The following DOK7 variants were observed in gnomAD, a reference collection of about 807,000 sequenced individuals.
DOK7 encodes docking protein 7.
In DOK7, 32 loss-of-function variants were observed where a neutral mutation model predicts 30.7. The observed-to-expected ratio is 1.04, with a 90% CI of 0.79 to 1.40. The LOEUF is 1.40. Ranked by LOEUF, DOK7 falls within the 40% of genes most tolerant of loss-of-function variation. The pLI is 0.00. For missense variants in DOK7, 1,007 were observed against 699.2 expected, an observed-to-expected ratio of 1.44 and a Z score of -4.97; for synonymous variants, 447 against 324.1, an observed-to-expected ratio of 1.38 and a Z score of -4.07.
Position 3,463,548 on chromosome 4 carries a change from G to T in DOK7, c.97G>T (p.Ala33Ser), listed in dbSNP as rs1425852835. Residue 33 changes from alanine to serine, a missense_variant, in exon 2 of 7, where the codon GCA (alanine) becomes TCA (serine). Coordinates refer to ENST00000340083, the MANE Select transcript of DOK7 (RefSeq NM_173660.5). ...WLVLRKPSPV[A>S]DCLLMLVYKD... ...GGTGCTGCGGAAGCCGTCGCCCGTG[G>T]CAGGTGAGCGGGGCGGGCGGGGGAC... 1.9e-5 allele frequency: 28 copies of T among 1,513,268 alleles called. No homozygotes were observed. The Admixed American group carries it at 5.3e-4, about 29-fold the overall frequency. 93.7% of individuals were successfully genotyped at this position (1,513,268 alleles called of 1,614,324 possible). A position where few individuals can be genotyped will look rare whatever the true frequency, so the allele number is the denominator to read the frequency against.
intron 4 of DOK7, 120 bp downstream of exon 4, chr4:3,476,662 C>T (rs2109344312): frequency 6.8e-6 from 9 of 1,318,794 alleles, no homozygotes; most frequent in Middle Eastern, 2.3e-4. Flanking sequence ...TTCCAGAATG[C>T]GCCGGCAGGT....
chr4:3,477,704 C>T (rs559154744), intron 4 of DOK7, among the ~76,000 whole-genome samples: 65 of 152,256 alleles, frequency 4.3e-4, no homozygotes, highest in East Asian at 1.4e-3. Flanking sequence ...AGAGCTGGCC[C>T]GGAGTCTCGG....
intron 2 of DOK7, among the ~76,000 whole-genome samples, chr4:3,471,057 G>A (rs1301671858): frequency 6.6e-6 from 1 of 152,252 alleles, no homozygotes; most frequent in African/African-American, 2.4e-5. Context: ...GAAGGTGGTG[G>A]ATGGTTGGCC....
At chr4:3,498,084 A>T (rs1729010364), downstream of DOK7, among the ~76,000 whole-genome samples, 2 of 152,068 alleles carry the variant, frequency 1.3e-5, no homozygotes, top group African/African-American at 4.8e-5. Flanking sequence ...TGGGACAGAG[A>T]TGAGCCAGGC....
At chr4:3,485,093 G>A (rs1182038903) in intron 4 of DOK7, among the ~76,000 whole-genome samples, 1 of 152,166 alleles carries the variant, frequency 6.6e-6, no homozygotes, top group Non-Finnish European at 1.5e-5. Flanking sequence ...AGGAGGGACT[G>A]ATCAAGTGCC....
At chr4:3,490,412 C>CTTTCTTCT (rs1279807017) in intron 6 of DOK7, among the ~76,000 whole-genome samples, 1 of 63,032 alleles carries the variant, frequency 1.6e-5, no homozygotes, top group Non-Finnish European at 3.4e-5. Flanking sequence ...CTTTCACCCC[C>CTTTCTTCT]CCCACCGCCC....
chr4:3,478,453 G>A (rs973162702), intron 4 of DOK7, among the ~76,000 whole-genome samples: 3 of 152,180 alleles, frequency 2.0e-5, no homozygotes, highest in African/African-American at 7.2e-5. Context: ...CTGCCTCTCC[G>A]GGGCAAGCTG....
In DOK7 at chr4:3,493,429, C is replaced by T. The variant is rs749462644; in HGVS notation, c.1443C>T (p.His481=). The T allele has an allele frequency of 1.4e-5, 23 of 1,603,028 alleles. 1 individual carries two copies. Among genetic ancestry groups the T allele is most frequent in the Admixed American group, 6.8e-5 (4 of 58,916 alleles). Residue 481 remains histidine, a synonymous_variant, in exon 7 of 7, where the codon CAC becomes CAT. Transcript: ENST00000340083. ...PGEPWEAGGP[H]AGPPPAFFSA... is the part of the protein sequence containing the mutation. ...AGCCCTGGGAAGCAGGCGGCCCCCA[C>T]GCGGGGCCACCCCCGGCTTTCTTTT...
In DOK7 at chr4:3,493,397, C is replaced by T. The variant is rs764872565; in HGVS notation, c.1411C>T (p.Pro471Ser). The part of the protein sequence containing the change: ...GSEATLPGPA[P>S]GEPWEAGGPH... ...CGAGGCCACACTGCCTGGCCCTGCC[C>T]CTGGCGAGCCCTGGGAAGCAGGCGG... The change falls in exon 7 of 7, where the codon CCT becomes TCT. Residue 471 changes from proline to serine, a missense_variant. By Grantham distance (74) the Pro-to-Ser change is moderately conservative. Transcript: ENST00000340083. 1.1e-5 allele frequency: 18 copies of T among 1,594,240 alleles called. No individual in the cohort carries two copies. The highest frequency in any genetic ancestry group is 9.0e-5 in the South Asian group (8 of 89,030).
intron 4 of DOK7, among the ~76,000 whole-genome samples, chr4:3,482,959 G>A (rs918930404): frequency 8.5e-5 from 13 of 152,084 alleles, no homozygotes; most frequent in African/African-American, 3.1e-4. Context: ...AGGGGCTGTC[G>A]GGGTCAGGGG....
chr4:3,490,094 ATTCCT>A (rs753072024), intron 6 of DOK7, among the ~76,000 whole-genome samples: 12 of 74,030 alleles, frequency 1.6e-4, no homozygotes, highest in Non-Finnish European at 2.9e-4. Flanking sequence ...CCCCTCATTC[ATTCCT>A]TTCTTCACCC....
rs756015202 is a variant in DOK7, at chr4:3,493,047, C to T, written c.1061C>T (p.Ser354Phe). ...SHSSYSSSLS[S>F]YAGSSLDVWR... ...TCCTCTTACTCCAGCAGCCTCTCGT[C>T]CTACGCGGGCAGCAGCCTGGACGTG... is the stretch of plus-strand genomic sequence containing the variant. Residue 354 changes from serine to phenylalanine, a missense_variant, in exon 7 of 7, where the codon TCC becomes TTC. Physicochemically the swap from Ser to Phe is radical, Grantham distance 155. Coordinates refer to ENST00000340083, the MANE Select transcript of DOK7 (RefSeq NM_173660.5). The T allele has an allele frequency of 7.6e-6, 12 of 1,573,498 alleles. No homozygotes were observed. Among genetic ancestry groups the T allele is most frequent in the East Asian group, 6.9e-5 (3 of 43,304 alleles).
At chr4:3,490,476 C>G (rs1248226432) in intron 6 of DOK7, among the ~76,000 whole-genome samples, 1 of 130,070 alleles carries the variant, frequency 7.7e-6, no homozygotes, top group African/African-American at 2.9e-5. Flanking sequence ...TCTTCTCCCT[C>G]TGCTCATTCA....
chr4:3,485,507 C>G, intron 4 of DOK7, 32 bp from the exon 5 acceptor site: 1 of 1,532,062 alleles, frequency 6.5e-7, no homozygotes, highest in Non-Finnish European at 8.8e-7. Flanking sequence ...GCCCTCGGGC[C>G]AGACTGACCT....
intron 4 of DOK7, among the ~76,000 whole-genome samples, chr4:3,481,448 C>T (rs903115080): frequency 1.4e-5 from 2 of 147,266 alleles, no homozygotes; most frequent in Non-Finnish European, 3.0e-5. Context: ...GAAGGGGGGG[C>T]CTTCTAGAGT....
In DOK7 at chr4:3,476,286, G is replaced by C. The variant is rs2699424; in HGVS notation, c.332-56G>C. The C allele has an allele frequency of 1.1e-4, 29 of 275,360 alleles. 5 individuals are homozygous for C. The highest frequency in any genetic ancestry group is 2.7e-4 in the East Asian group (4 of 14,740). The allele number at this position is 275,360 out of a possible 1,614,324, so 17.1% of individuals were successfully genotyped here. A position where few individuals can be genotyped will look rare whatever the true frequency, so the allele number is the denominator to read the frequency against. On this transcript the variant is annotated intron_variant, in intron 3 of 6. Coordinates refer to ENST00000340083, the MANE Select transcript of DOK7 (RefSeq NM_173660.5). ...TGATGCCCTCTCACCCCACCCGCCCGTGATGTCCTCTCACCCTGCCCGCCC... is the reference window on the plus strand; with the variant it reads ...TGATGCCCTCTCACCCCACCCGCCCCTGATGTCCTCTCACCCTGCCCGCCC...
intron 2 of DOK7, among the ~76,000 whole-genome samples, chr4:3,468,975 CGT>C (rs1560206568): frequency 1.6e-5 from 2 of 128,714 alleles, no homozygotes; most frequent in South Asian, 2.5e-4. Context: ...TATGAGTGTA[CGT>C]GTGCCTGTGT....
Position 3,463,340 on chromosome 4 carries a change from C to CG in DOK7, c.-32dup. 1.4e-6 allele frequency: 2 copies of CG among 1,439,428 alleles called. No homozygotes were observed. Among genetic ancestry groups the CG allele is most frequent in the Non-Finnish European group, 1.8e-6 (2 of 1,108,446 alleles). The allele number at this position is 1,439,428 out of a possible 1,614,324, so 89.2% of individuals were successfully genotyped here. A position where few individuals can be genotyped will look rare whatever the true frequency, so the allele number is the denominator to read the frequency against. ...TGAAAGTGACCCTGGGCTGGGGCGC[C>CG]GGGGCGAGCGCGGCGGCGCGGAACC... On this transcript the variant is annotated 5_prime_UTR_variant, in exon 1 of 7. Transcript: ENST00000340083.
intron 6 of DOK7, 112 bp downstream of exon 6, chr4:3,489,908 T>G: frequency 1.4e-6 from 2 of 1,457,980 alleles, no homozygotes; most frequent in Non-Finnish European, 1.8e-6. Flanking sequence ...GCTCATTCAT[T>G]CATTCCTTCT....
Sources: gnomAD v4.1 joint callset for allele counts (sites outside exome capture counted in the v4.1 genomes callset) on GRCh38, gnomAD v4.1.1 for gene constraint, MANE v1.5 for transcripts, NCBI Gene and HGNC (gene_info 2026-07-23, HGNC 2026-07-21) for gene names.